GRIN2A: variants seen among roughly 807,000 people sequenced by gnomAD.
The protein encoded by GRIN2A is glutamate receptor ionotropic, NMDA 2A.
A neutral mutation model predicts 113.4 loss-of-function variants in GRIN2A; 22 were observed. That is an observed-to-expected ratio of 0.19 (90% CI 0.14 to 0.28). The LOEUF (loss-of-function observed/expected upper bound fraction) is 0.28, where lower values mean the gene tolerates loss of function less well. Ranked by LOEUF, GRIN2A falls within the 10% of genes least tolerant of loss-of-function variation. GRIN2A has a pLI of 1.00. For synonymous variants in GRIN2A, 827 were observed against 738.4 expected (o/e 1.12, Z -1.94); for missense variants, 1,502 against 1,887.0 (o/e 0.80, Z 3.78).
intron 2 of GRIN2A, among the ~76,000 whole-genome samples, chr16:9,973,001 G>A (rs73504682): frequency 3.9e-5 from 6 of 152,294 alleles, no homozygotes; most frequent in African/African-American, 7.2e-5. Context: ...AAATCACAGG[G>A]CGTTAAAATT....
At chr16:9,790,601 A>G (rs1427912430) in intron 11 of GRIN2A, among the ~76,000 whole-genome samples, 4 of 152,200 alleles carry the variant, frequency 2.6e-5, no homozygotes, top group Non-Finnish European at 2.9e-5. Context: ...AAGACAATGG[A>G]GGAATTTGCC....
intron 2 of GRIN2A, among the ~76,000 whole-genome samples, chr16:10,031,072 A>G (rs1389811923): frequency 6.6e-6 from 1 of 152,202 alleles, no homozygotes; most frequent in Non-Finnish European, 1.5e-5. Flanking sequence ...GAATTTGAGA[A>G]GAGAAGAAGC....
intron 2 of GRIN2A, among the ~76,000 whole-genome samples, chr16:10,096,827 T>C (rs945385851): frequency 2.8e-4 from 43 of 152,146 alleles, no homozygotes; most frequent in African/African-American, 1.0e-3. Flanking sequence ...AACTAACTCC[T>C]TGAGACTAAC....
Position 9,762,408 on chromosome 16 carries a change from G to C in GRIN2A, c.*741C>G, listed in dbSNP as rs1900624894. On this transcript the variant is annotated 3_prime_UTR_variant, in exon 13 of 13. Transcript: ENST00000330684. ...ACAAGACCATCGAAGCCGAGGGTGA[G>C]AGAAACACACATCAACATCCAAAGA... The C allele has an allele frequency of 4.4e-6, 1 of 225,930 alleles. No homozygotes were observed. The highest frequency in any genetic ancestry group is 5.7e-5 in the Admixed American group (1 of 17,512). 14.0% of individuals were successfully genotyped at this position (225,930 alleles called of 1,614,324 possible).
At position 9,762,250 on chromosome 16, in the gene GRIN2A, C is replaced by A. The variant is rs1218970637; in HGVS notation, c.*899G>T. On this transcript the variant is annotated 3_prime_UTR_variant, in exon 13 of 13. Transcript: ENST00000330684. ...CAGATACTATACAACCCTGAGTCAT[C>A]ACCAGAAGGGAGGAAATGCAAACTT... 2.7e-5 allele frequency: 6 copies of A among 225,310 alleles called. No homozygotes were observed. The highest frequency in any genetic ancestry group is 5.3e-5 in the Non-Finnish European group (6 of 112,756). 14.0% of individuals were successfully genotyped at this position (225,310 alleles called of 1,614,324 possible). A position where few individuals can be genotyped will look rare whatever the true frequency, so the allele number is the denominator to read the frequency against.
intron 4 of GRIN2A, among the ~76,000 whole-genome samples, chr16:9,879,542 C>T (rs573623731): frequency 3.3e-5 from 5 of 152,196 alleles, no homozygotes; most frequent in Non-Finnish European, 7.3e-5. Flanking sequence ...CCTCCCCATA[C>T]CTCTCTTCCC....
At chr16:9,768,531 A>C (rs1901059028) in intron 12 of GRIN2A, among the ~76,000 whole-genome samples, 2 of 152,164 alleles carry the variant, frequency 1.3e-5, no homozygotes, top group African/African-American at 4.8e-5. Context: ...TGAGGTAAAC[A>C]TCATGCAATT....
intron 2 of GRIN2A, among the ~76,000 whole-genome samples, chr16:10,017,144 T>A (rs2046625173): frequency 6.6e-6 from 1 of 152,214 alleles, no homozygotes; most frequent in African/African-American, 2.4e-5. Context: ...TGAAATGGCC[T>A]ACAAGCCCCT....
At chr16:9,964,033 C>G (rs1357905008) in intron 2 of GRIN2A, among the ~76,000 whole-genome samples, 1 of 152,166 alleles carries the variant, frequency 6.6e-6, no homozygotes, top group Admixed American at 6.5e-5. Context: ...TGATGCACAG[C>G]AGGAAGGGGC....
chr16:10,164,185 A>C (rs2049860428), intron 2 of GRIN2A, among the ~76,000 whole-genome samples: 1 of 152,226 alleles, frequency 6.6e-6, no homozygotes, highest in Non-Finnish European at 1.5e-5. Context: ...GTTTACTCAC[A>C]ACCTTTGTCA....
At chr16:10,034,486 C>T (rs891628361) in intron 2 of GRIN2A, among the ~76,000 whole-genome samples, 1 of 137,398 alleles carries the variant, frequency 7.3e-6, no homozygotes, top group Non-Finnish European at 1.5e-5. Flanking sequence ...GATCGTGTCA[C>T]TGCACCCCAG....
chr16:9,837,507 T>C (rs550137781), intron 7 of GRIN2A, among the ~76,000 whole-genome samples: 8 of 152,260 alleles, frequency 5.3e-5, no homozygotes, highest in Admixed American at 1.3e-4. Context: ...TTCTCTCTGA[T>C]TGAATTGGAA....
Position 9,784,748 on chromosome 16 carries a change from AAAAC to A in GRIN2A, c.2356+13525_2356+13528del, listed in dbSNP as rs1254587405. Among the ~76,000 whole-genome samples, 22 of 152,354 alleles carry A rather than the reference AAAAC, an allele frequency of 1.4e-4. No individual in the cohort carries two copies. The East Asian group carries it at 1.7e-3, about 12-fold the overall frequency. Reference sequence around the variant, plus strand: ...TGAACTCAAACAAATTTACAAGAAAAAAACAAACAACCCCATCAAAAAGTGGGTG... The same window carrying A: ...TGAACTCAAACAAATTTACAAGAAAAAAACAACCCCATCAAAAAGTGGGTG... On this transcript the variant is annotated intron_variant, in intron 11 of 12. Coordinates refer to ENST00000330684, the MANE Select transcript of GRIN2A (RefSeq NM_001134407.3).
At chr16:10,131,221 G>A (rs931994016) in intron 2 of GRIN2A, among the ~76,000 whole-genome samples, 1 of 152,154 alleles carries the variant, frequency 6.6e-6, no homozygotes, top group Non-Finnish European at 1.5e-5. Flanking sequence ...GAGGCTAGTG[G>A]AGAACAGGTT....
chr16:10,094,032 G>T (rs1184041777), intron 2 of GRIN2A, among the ~76,000 whole-genome samples: 3 of 152,134 alleles, frequency 2.0e-5, no homozygotes, highest in Non-Finnish European at 4.4e-5. Flanking sequence ...TCCTACTCCA[G>T]GTTTCTAAAC....
chr16:10,046,256 A>G (rs915269103), intron 2 of GRIN2A, among the ~76,000 whole-genome samples: 2 of 152,114 alleles, frequency 1.3e-5, no homozygotes, highest in African/African-American at 4.8e-5. Context: ...GGTTGCTGGC[A>G]TATCTAGATC....
chr16:10,151,582 C>T (rs1170879980), intron 2 of GRIN2A, among the ~76,000 whole-genome samples: 1 of 152,216 alleles, frequency 6.6e-6, no homozygotes, highest in Non-Finnish European at 1.5e-5. Context: ...ACATTTTCTG[C>T]AAGATCAATG....
At chr16:9,972,249 A>C (rs2045687388) in intron 2 of GRIN2A, among the ~76,000 whole-genome samples, 1 of 152,230 alleles carries the variant, frequency 6.6e-6, no homozygotes, top group South Asian at 2.1e-4. Flanking sequence ...TAACCAGGTT[A>C]GTTACCTGCT....
At chr16:9,854,650 C>T (rs2141380482) in intron 4 of GRIN2A, among the ~76,000 whole-genome samples, 1 of 152,258 alleles carries the variant, frequency 6.6e-6, no homozygotes, top group African/African-American at 2.4e-5. Context: ...CTAAACTGGA[C>T]CTTTTTCCTG....
Sources: gnomAD v4.1 joint callset for allele counts (sites outside exome capture counted in the v4.1 genomes callset) on GRCh38, gnomAD v4.1.1 for gene constraint, MANE v1.5 for transcripts, NCBI Gene and HGNC (gene_info 2026-07-23, HGNC 2026-07-21) for gene names.